The following GNAO1 variants were observed in gnomAD, a reference collection of about 807,000 sequenced individuals.
GNAO1 encodes guanine nucleotide-binding protein G(o) subunit alpha.
For missense variants in GNAO1, 166 were observed against 478.7 expected (o/e 0.35, Z 6.10); for synonymous variants, 164 against 180.7 (o/e 0.91, Z 0.74).
chr16:56,277,416 T>C (rs1376013255), intron 3 of GNAO1, among the ~76,000 whole-genome samples: 1 of 152,194 alleles, frequency 6.6e-6, no homozygotes, highest in Non-Finnish European at 1.5e-5. Context: ...AGCTAGGTGC[T>C]GTGGATACAG....
In GNAO1 at chr16:56,191,978, C is replaced by T; in HGVS notation, c.-258C>T. On this transcript the variant is annotated 5_prime_UTR_variant, in exon 1 of 9. Coordinates refer to ENST00000262493, the MANE Select transcript of GNAO1 (RefSeq NM_020988.3). The surrounding 1 kb of genome is among the most constrained non-coding windows in gnomAD (Gnocchi z 4.7). ...GGCGCCTCCTCCCTTGGCTCCGGAG[C>T]CCCAGACCCCGGCCACCCTCGATTC... 1.9e-6 allele frequency: 1 copy of T among 532,308 alleles called. No individual in the cohort carries two copies. The highest frequency in any genetic ancestry group is 3.5e-5 in the Admixed American group (1 of 28,422). 33.0% of individuals were successfully genotyped at this position (532,308 alleles called of 1,614,324 possible).
Position 56,275,927 on chromosome 16 carries a change from C to A in GNAO1, c.162-4C>A. ...CAGGTGTGGTGTGTGTGGTTTTTCT[C>A]TAGGATCATCCATGAAGATGGCTTC... On this transcript the variant is annotated splice_polypyrimidine_tract_variant and splice_region_variant and intron_variant, in intron 2 of 8. Transcript: ENST00000262493. 6.2e-7 allele frequency: 1 copy of A among 1,611,454 alleles called. No individual in the cohort carries two copies.
chr16:56,282,033 T>C (rs543126878), intron 3 of GNAO1, among the ~76,000 whole-genome samples: 1 of 152,352 alleles, frequency 6.6e-6, no homozygotes, highest in African/African-American at 2.4e-5. Flanking sequence ...TTGAAAATAC[T>C]CCAGTTTTCA....
At chr16:56,236,690 G>T (rs1049997990) in intron 2 of GNAO1, among the ~76,000 whole-genome samples, 1 of 152,166 alleles carries the variant, frequency 6.6e-6, no homozygotes, top group Admixed American at 6.5e-5. Flanking sequence ...TGGTCTCGTG[G>T]CATTATAGTT....
intron 6 of GNAO1, among the ~76,000 whole-genome samples, chr16:56,348,614 C>G (rs1484654361): frequency 6.6e-6 from 1 of 152,216 alleles, no homozygotes; most frequent in African/African-American, 2.4e-5. Context: ...ATGGTGGTAT[C>G]TCTTCTTTGA....
intron 3 of GNAO1, among the ~76,000 whole-genome samples, chr16:56,322,889 T>C (rs2037589871): frequency 6.6e-6 from 1 of 152,112 alleles, no homozygotes; most frequent in Non-Finnish European, 1.5e-5. Flanking sequence ...CAAGGATCCA[T>C]ACATCCTGCA....
chr16:56,290,423 G>A (rs1283055695), intron 3 of GNAO1, among the ~76,000 whole-genome samples: 1 of 152,220 alleles, frequency 6.6e-6, no homozygotes, highest in Admixed American at 6.5e-5. Flanking sequence ...CAGCTAGTCC[G>A]TGGTAGAGCT....
chr16:56,347,505 C>T (rs2037882328), intron 6 of GNAO1: 2 of 984,978 alleles, frequency 2.0e-6, no homozygotes, highest in Non-Finnish European at 2.4e-6. Flanking sequence ...GGAGCTGGGG[C>T]CTCCAGACAG....
Position 56,275,983 on chromosome 16 carries a change from G to A in GNAO1, c.214G>A (p.Val72Ile), listed in dbSNP as rs371330886. 1 of 1,613,994 alleles carries A rather than the reference G, an allele frequency of 6.2e-7. No homozygotes were observed. The highest frequency in any genetic ancestry group is 8.5e-7 in the Non-Finnish European group (1 of 1,179,948). ...AGAAGACGTGAAACAGTACAAGCCTGTTGTCTACAGCAACACTATCCAGTC... is the reference window on the plus strand; with the variant it reads ...AGAAGACGTGAAACAGTACAAGCCTATTGTCTACAGCAACACTATCCAGTC... ...SGEDVKQYKP[V>I]VYSNTIQSLA... The change falls in exon 3 of 9, where the codon GTT becomes ATT. Residue 72 changes from valine (V) to isoleucine (I), a missense_variant. By Grantham distance (29) the Val-to-Ile change is conservative (BLOSUM62 3). Transcript: ENST00000262493.
intron 2 of GNAO1, among the ~76,000 whole-genome samples, chr16:56,265,100 G>A (rs751086504): frequency 3.9e-5 from 6 of 152,162 alleles, no homozygotes; most frequent in Admixed American, 1.3e-4. Flanking sequence ...AAGCACCCTC[G>A]TGGTCAGACA....
At chr16:56,286,911 C>T (rs1003127801) in intron 3 of GNAO1, among the ~76,000 whole-genome samples, 6 of 152,172 alleles carry the variant, frequency 3.9e-5, no homozygotes, top group Non-Finnish European at 7.3e-5. Context: ...GGCCACCAGC[C>T]GCCCACAGAT....
chr16:56,329,452 C>T (rs1365564893), intron 4 of GNAO1, among the ~76,000 whole-genome samples: 1 of 151,118 alleles, frequency 6.6e-6, no homozygotes, highest in African/African-American at 2.4e-5. Flanking sequence ...GCTCCCGGCT[C>T]TTCCCATCAC....
At chr16:56,305,306 A>T (rs534269586) in intron 3 of GNAO1, among the ~76,000 whole-genome samples, 15 of 152,252 alleles carry the variant, frequency 9.9e-5, no homozygotes, top group Non-Finnish European at 2.1e-4. Flanking sequence ...GAAGAGAAAC[A>T]GTCATCAAGG....
intron 2 of GNAO1, among the ~76,000 whole-genome samples, chr16:56,233,682 CAG>C (rs1212097393): frequency 1.3e-5 from 2 of 152,240 alleles, no homozygotes; most frequent in Non-Finnish European, 1.5e-5. Flanking sequence ...TCTGCCCAGC[CAG>C]AGAGTTGCCA....
chr16:56,248,564 G>A (rs2036770862), intron 2 of GNAO1, among the ~76,000 whole-genome samples: 1 of 152,214 alleles, frequency 6.6e-6, no homozygotes, highest in African/African-American at 2.4e-5. Flanking sequence ...TAATATGTCA[G>A]GGGCAGATAG....
chr16:56,272,440 A>T (rs1373319326), intron 2 of GNAO1, among the ~76,000 whole-genome samples: 1 of 152,262 alleles, frequency 6.6e-6, no homozygotes, highest in Non-Finnish European at 1.5e-5. Context: ...TTAACCTAAT[A>T]TAAGCCAGTT....
At chr16:56,220,722 G>A (rs1026440853) in intron 2 of GNAO1, among the ~76,000 whole-genome samples, 6 of 152,004 alleles carry the variant, frequency 3.9e-5, no homozygotes, top group African/African-American at 1.2e-4. Context: ...CTCGTGGATG[G>A]GATTAGCGTG....
At chr16:56,249,829 T>C (rs1196643001) in intron 2 of GNAO1, among the ~76,000 whole-genome samples, 2 of 152,168 alleles carry the variant, frequency 1.3e-5, no homozygotes, top group Non-Finnish European at 2.9e-5. Flanking sequence ...CTCCCTATTT[T>C]AGAAGCCCTG....
chr16:56,285,670 C>G (rs2037159075), intron 3 of GNAO1, among the ~76,000 whole-genome samples: 1 of 152,230 alleles, frequency 6.6e-6, no homozygotes, highest in Non-Finnish European at 1.5e-5. Flanking sequence ...ATTTTAAATG[C>G]ATCTACTTAA....
Sources: gnomAD v4.1 joint callset for allele counts (sites outside exome capture counted in the v4.1 genomes callset) on GRCh38, gnomAD v4.1.1 for gene constraint, Gnocchi (gnomAD v3.1) non-coding constraint, MANE v1.5 for transcripts, NCBI Gene and HGNC (gene_info 2026-07-23, HGNC 2026-07-21) for gene names.